Variants in SNTG1 observed in about 807,000 individuals in gnomAD.
The protein encoded by SNTG1 is syntrophin gamma 1, also known as gamma-1-syntrophin.
In SNTG1, 39 loss-of-function variants were observed where a neutral mutation model predicts 74.7. The ratio of observed to expected loss-of-function variants is 0.52; its 90% CI spans 0.40 to 0.68. The LOEUF (loss-of-function observed/expected upper bound fraction) is 0.68, where lower values mean the gene tolerates loss of function less well. Among genes scored for constraint, SNTG1 ranks in the 30% least tolerant of loss-of-function variants. SNTG1 has a pLI of 0.00. For synonymous variants in SNTG1, 254 were observed against 217.1 expected, an observed-to-expected ratio of 1.17 and a Z score of -1.49; for missense variants, 685 against 609.5, an observed-to-expected ratio of 1.12 and a Z score of -1.30.
At chr8:50,454,599 T>A (rs1402966993) in intron 8 of SNTG1, among the ~76,000 whole-genome samples, 1 of 151,712 alleles carries the variant, frequency 6.6e-6, no homozygotes, top group Non-Finnish European at 1.5e-5. Context: ...CCCAGCACTT[T>A]GGGAGGCCCA....
intron 1 of SNTG1, among the ~76,000 whole-genome samples, chr8:49,996,820 A>T (rs1349211521): frequency 7.8e-6 from 1 of 127,716 alleles, no homozygotes; most frequent in African/African-American, 2.9e-5. Flanking sequence ...GCTTTCTGAT[A>T]TAAATTCCAA....
rs574997836 is a variant in SNTG1 at position 50,698,841 on chromosome 8, A to T, written c.1039-5759A>T. On this transcript the variant is annotated intron_variant, in intron 15 of 18. Transcript: ENST00000642720. ...GCTCTACCGTGGCCTGAATTATATG[A>T]TTCTATAGTGGGAAATTGGACCACA... is the stretch of plus-strand genomic sequence containing the variant. Among the ~76,000 whole-genome samples the T allele has an allele frequency of 2.0e-5, 3 of 151,902 alleles. No individual in the cohort carries two copies. The South Asian group carries it at 6.2e-4, about 32-fold the overall frequency.
intron 2 of SNTG1, among the ~76,000 whole-genome samples, chr8:50,225,162 C>T (rs549588815): frequency 4.6e-5 from 7 of 151,908 alleles, no homozygotes; most frequent in Admixed American, 1.3e-4. Context: ...TTAGTAGAGA[C>T]GGGGTTTCAC....
intron 4 of SNTG1, among the ~76,000 whole-genome samples, chr8:50,404,626 G>GTT (rs199917490): frequency 1.4e-5 from 2 of 147,438 alleles, no homozygotes; most frequent in Non-Finnish European, 3.0e-5. Flanking sequence ...GGTCAGTTAA[G>GTT]TTTTTTTTTT....
Position 50,793,766 on chromosome 8 carries a change from G to T in SNTG1, c.*937G>T, listed in dbSNP as rs1403441846. The T allele has an allele frequency of 6.6e-6, 1 of 151,818 alleles. No individual in the cohort carries two copies. Among genetic ancestry groups the T allele is most frequent in the Non-Finnish European group, 1.5e-5 (1 of 67,860 alleles). 9.4% of individuals were successfully genotyped at this position (151,818 alleles called of 1,614,324 possible). ...AATCCGAAGTCTACTAGTTAATCAT[G>T]AACTAAAATGTCCCCCGAAAACAGT... On this transcript the variant is annotated 3_prime_UTR_variant, in exon 19 of 19. Transcript: ENST00000642720.
intron 2 of SNTG1, among the ~76,000 whole-genome samples, chr8:50,390,567 CAT>C (rs2092643026): frequency 6.6e-6 from 1 of 152,172 alleles, no homozygotes; most frequent in South Asian, 2.1e-4. Flanking sequence ...TGTTTGCTTC[CAT>C]ATGAACTTCA....
chr8:49,965,823 G>A (rs2129822659), intron 1 of SNTG1, among the ~76,000 whole-genome samples: 1 of 152,170 alleles, frequency 6.6e-6, no homozygotes, highest in Non-Finnish European at 1.5e-5. Context: ...TTTCCCAAAT[G>A]TCATTTCTAC....
intron 8 of SNTG1, among the ~76,000 whole-genome samples, chr8:50,500,474 A>G (rs915275500): frequency 6.6e-6 from 1 of 152,070 alleles, no homozygotes; most frequent in African/African-American, 2.4e-5. Flanking sequence ...TTATGGCAAC[A>G]TTTTTGTTGA....
chr8:50,020,044 GAACT>G (rs1345273694), intron 1 of SNTG1, among the ~76,000 whole-genome samples: 1 of 152,038 alleles, frequency 6.6e-6, no homozygotes, highest in Non-Finnish European at 1.5e-5. Context: ...AAAAAATCAG[GAACT>G]AATTGAGCCT....
Position 50,236,693 on chromosome 8 carries a change from G to C in SNTG1, c.-28+64058G>C, listed in dbSNP as rs191382944. On this transcript the variant is annotated intron_variant, in intron 2 of 18. Transcript: ENST00000642720. ...TCTCGATCTCCTGACCTTGTGATCC[G>C]CCCGCCTTGGCCTCCAAAAGTGCTG... 2.8e-3 allele frequency among the ~76,000 whole-genome samples: 431 copies of C among 151,890 alleles called. 4 individuals carry two copies. The highest frequency in any genetic ancestry group is 9.6e-3 in the African/African-American group (400 of 41,466).
chr8:49,916,698 G>A (rs1458464094), intron 1 of SNTG1, among the ~76,000 whole-genome samples: 1 of 151,900 alleles, frequency 6.6e-6, no homozygotes, highest in Non-Finnish European at 1.5e-5. Flanking sequence ...GAACAATAAT[G>A]TGTTACTTAT....
rs191789935 is a variant in SNTG1 at position 50,667,947 on chromosome 8, G to T, written c.1038+9284G>T. On this transcript the variant is annotated intron_variant, in intron 15 of 18. Transcript: ENST00000642720. ...TCTGATAATAGAACTTTAATTCCCTGGTGATTTTTAAAAAACGTTACAGGC... is the reference window on the plus strand; with the variant it reads ...TCTGATAATAGAACTTTAATTCCCTTGTGATTTTTAAAAAACGTTACAGGC... 3.6e-3 allele frequency among the ~76,000 whole-genome samples: 549 copies of T among 151,956 alleles called. 7 individuals carry two copies. The highest frequency in any genetic ancestry group is 0.012 in the African/African-American group (514 of 41,492).
chr8:50,305,690 T>C (rs2130708435), intron 2 of SNTG1, among the ~76,000 whole-genome samples: 1 of 152,158 alleles, frequency 6.6e-6, no homozygotes, highest in East Asian at 1.9e-4. Flanking sequence ...TACCTTTTTA[T>C]TTAGTTTATC....
intron 1 of SNTG1, among the ~76,000 whole-genome samples, chr8:50,016,479 T>C (rs1305427008): frequency 6.6e-6 from 1 of 152,126 alleles, no homozygotes; most frequent in Non-Finnish European, 1.5e-5. Flanking sequence ...ATGATTGCTC[T>C]CATTTAGTCA....
At chr8:50,359,328 A>G (rs1369594624) in intron 2 of SNTG1, among the ~76,000 whole-genome samples, 1 of 152,190 alleles carries the variant, frequency 6.6e-6, no homozygotes, top group East Asian at 1.9e-4. Context: ...ACCCTGCTGT[A>G]TTCACCAGCA....
At chr8:50,039,311 G>A (rs1000322039) in intron 1 of SNTG1, among the ~76,000 whole-genome samples, 1 of 151,742 alleles carries the variant, frequency 6.6e-6, no homozygotes, top group Non-Finnish European at 1.5e-5. Flanking sequence ...AAAAAGTAGC[G>A]GGGCATGGTG....
intron 16 of SNTG1, among the ~76,000 whole-genome samples, chr8:50,707,594 T>C (rs2095447561): frequency 6.6e-6 from 1 of 152,222 alleles, no homozygotes. Context: ...ACATTCAGAA[T>C]GGGATTCAAT....
chr8:49,931,750 C>T (rs913709791), intron 1 of SNTG1, among the ~76,000 whole-genome samples: 2 of 151,980 alleles, frequency 1.3e-5, no homozygotes, highest in Admixed American at 6.6e-5. Flanking sequence ...GAATGAATGT[C>T]GCAATCACAA....
At chr8:50,194,657 C>T (rs2083698125) in intron 2 of SNTG1, among the ~76,000 whole-genome samples, 1 of 152,032 alleles carries the variant, frequency 6.6e-6, no homozygotes, top group African/African-American at 2.4e-5. Context: ...CTTTTGGTTT[C>T]AATTTCATTT....
Sources: gnomAD v4.1 joint callset for allele counts (sites outside exome capture counted in the v4.1 genomes callset) on GRCh38, gnomAD v4.1.1 for gene constraint, MANE v1.5 for transcripts, NCBI Gene and HGNC (gene_info 2026-07-23, HGNC 2026-07-21) for gene names.